The following CDH18 variants were observed in gnomAD, a reference collection of about 807,000 sequenced individuals.
The protein encoded by CDH18 is cadherin-18.
Under a neutral mutation model 67.9 loss-of-function variants are expected in CDH18, and 31 were observed. That is an observed-to-expected ratio of 0.46 (90% CI 0.34 to 0.62). The LOEUF (loss-of-function observed/expected upper bound fraction) is 0.62. Among genes scored for constraint, CDH18 ranks in the 20% least tolerant of loss-of-function variants. CDH18 has a pLI of 0.01. For synonymous variants in CDH18, 362 were observed against 347.2 expected (o/e 1.04, Z -0.48); for missense variants, 890 against 975.5 (o/e 0.91, Z 1.17).
Position 19,746,987 on chromosome 5 carries a change from T to A in CDH18, c.478A>T (p.Thr160Ser), listed in dbSNP as rs1030526975. The A allele has an allele frequency of 3.1e-6, 5 of 1,614,038 alleles. No homozygotes were observed. The highest frequency in any genetic ancestry group is 1.3e-5 in the African/African-American group (1 of 74,930). ...ACAGTAACAATGTATGGTCCATCTG[T>A]GAATTTTGGAGCGTTGTCATTGATG... is the stretch of plus-strand genomic sequence containing the variant. The part of the protein sequence containing the change: ...QDINDNAPKF[T>S]DGPYIVTVPE... Residue 160 changes from threonine (T) to serine (S), a missense_variant, in exon 4 of 13, where the codon ACA (threonine) becomes TCA (serine). Around this residue, in one of 2 missense-constraint regions of CDH18, gnomAD observed 234 missense variants for 307.4 expected, o/e 0.76. Transcript: ENST00000382275.
At chr5:20,215,443 A>G (rs919848430) in intron 2 of CDH18, among the ~76,000 whole-genome samples, 1 of 92,720 alleles carries the variant, frequency 1.1e-5, no homozygotes, top group Non-Finnish European at 2.1e-5. Context: ...AAAATAAATA[A>G]ATAAATAAAT....
At chr5:20,238,965 T>A (rs1400605641) in intron 2 of CDH18, among the ~76,000 whole-genome samples, 2 of 152,166 alleles carry the variant, frequency 1.3e-5, no homozygotes, top group East Asian at 1.9e-4. Context: ...TCTTGATAGA[T>A]ACATGCTAAG....
At chr5:20,471,129 T>C (rs1739003048) in intron 1 of CDH18, among the ~76,000 whole-genome samples, 1 of 152,156 alleles carries the variant, frequency 6.6e-6, no homozygotes, top group Admixed American at 6.5e-5. Context: ...GAATCTATTT[T>C]TGTAAGGTTG....
At position 19,491,966 on chromosome 5, in the gene CDH18, T is replaced by G. The variant is rs539023885; in HGVS notation, c.1631-8414A>C. Reference sequence around the variant, plus strand: ...TAATGTGTTATGTTGACTCATTTATTTTTAAAGAATTCAAGTATCTATGAG... The same window carrying G: ...TAATGTGTTATGTTGACTCATTTATGTTTAAAGAATTCAAGTATCTATGAG... On this transcript the variant is annotated intron_variant, in intron 11 of 12. Transcript: ENST00000382275. Among the ~76,000 whole-genome samples the G allele has an allele frequency of 2.2e-4, 34 of 152,244 alleles. 2 individuals are homozygous for G. In the South Asian group the frequency reaches 5.6e-3, roughly 25 times the overall value.
At chr5:20,058,853 T>G (rs919579762) in intron 2 of CDH18, among the ~76,000 whole-genome samples, 2 of 152,194 alleles carry the variant, frequency 1.3e-5, no homozygotes, top group Non-Finnish European at 1.5e-5. Flanking sequence ...ACAGTTGCAG[T>G]TCTAATTACT....
chr5:20,137,659 G>C lies in CDH18; in HGVS notation c.-518+117785C>G, dbSNP rs1018871191. 7.9e-5 allele frequency among the ~76,000 whole-genome samples: 12 copies of C among 152,190 alleles called. 1 individual carries two copies. In the East Asian group the frequency reaches 2.3e-3, roughly 29 times the overall value. On this transcript the variant is annotated intron_variant, in intron 2 of 14. Coordinates refer to the CDH18 transcript ENST00000507958. ...GGAGCTGCATTCCTCTGGAGGAGAAGAGGCACTCTGATTTTTGGAATTTTC... is the reference window on the plus strand; with the variant it reads ...GGAGCTGCATTCCTCTGGAGGAGAACAGGCACTCTGATTTTTGGAATTTTC...
rs559734784 is a variant in CDH18 at position 19,480,559 on chromosome 5, A to G, written c.1882+2742T>C. On this transcript the variant is annotated intron_variant, in intron 12 of 12. Transcript: ENST00000382275. ...AGCCCGACTAATTTTTTGTGTTTTT[A>G]GTAGAGACAGGGTTTCACCGTGTTA... Among the ~76,000 whole-genome samples the G allele has an allele frequency of 1.1e-4, 16 of 151,704 alleles. No individual in the cohort carries two copies. The East Asian group carries it at 2.9e-3, about 28-fold the overall frequency.
At chr5:20,393,029 C>A (rs1261588708) in intron 1 of CDH18, among the ~76,000 whole-genome samples, 5 of 151,734 alleles carry the variant, frequency 3.3e-5, no homozygotes, top group Non-Finnish European at 7.4e-5. Flanking sequence ...GATATTCATA[C>A]AATAAGGACT....
intron 2 of CDH18, among the ~76,000 whole-genome samples, chr5:20,059,878 G>A (rs187457426): frequency 1.0e-4 from 15 of 148,346 alleles, no homozygotes; most frequent in East Asian, 8.1e-4. Context: ...CATAGGAACA[G>A]AAAACCAAAC....
At chr5:19,591,277 T>C (rs373925220) in intron 6 of CDH18, 33 bp from the exon 7 acceptor site, 1 of 1,391,742 alleles carries the variant, frequency 7.2e-7, no homozygotes, top group African/African-American at 1.4e-5. Flanking sequence ...CATATTTAAA[T>C]ACAATGTTCA....
chr5:20,243,259 G>A (rs2126560262), intron 2 of CDH18, among the ~76,000 whole-genome samples: 1 of 152,218 alleles, frequency 6.6e-6, no homozygotes, highest in East Asian at 1.9e-4. Flanking sequence ...CACATTTAAT[G>A]TGTTATAACT....
rs1214340106 is a variant in CDH18 at position 19,612,593 on chromosome 5, T to C, written c.652A>G (p.Arg218Gly). The change falls in exon 6 of 13, where the codon AGA becomes GGA. Residue 218 changes from arginine (R) to glycine (G), a missense_variant. Arg to Gly is a moderately radical substitution (Grantham distance 125). Transcript: ENST00000382275. ...CTGTCCATGTTATGTAAGGCCGTTC[T>C]AATAACTCCTGTAATAGATATATTT... ...FSVDPKTGVI[R>G]TALHNMDREA... is the part of the protein sequence containing the mutation. 1.2e-6 allele frequency: 2 copies of C among 1,610,288 alleles called. No individual in the cohort carries two copies. Among genetic ancestry groups the C allele is most frequent in the South Asian group, 2.2e-5 (2 of 91,014 alleles).
At position 20,526,617 on chromosome 5, in the gene CDH18, G is replaced by T. The variant is rs146450777; in HGVS notation, c.-580+48845C>A. 9.7e-4 allele frequency among the ~76,000 whole-genome samples: 147 copies of T among 152,162 alleles called. 1 individual carries two copies. Among genetic ancestry groups the T allele is most frequent in the South Asian group, 6.2e-3 (30 of 4,820 alleles). ...CACTGGTGATACCCAGGTAAACAGG[G>T]TCTGGAGTGGGCCCCCAGCAAACTG... is the stretch of plus-strand genomic sequence containing the variant. On this transcript the variant is annotated intron_variant, in intron 1 of 14. Transcript: ENST00000507958.
intron 2 of CDH18, among the ~76,000 whole-genome samples, chr5:20,221,841 C>G (rs924734758): frequency 6.6e-6 from 1 of 152,128 alleles, no homozygotes; most frequent in Admixed American, 6.6e-5. Context: ...ATAACCTTTT[C>G]CAGGACCTTT....
chr5:19,495,612 T>A (rs1220896592), intron 11 of CDH18, among the ~76,000 whole-genome samples: 1 of 149,030 alleles, frequency 6.7e-6, no homozygotes, highest in Non-Finnish European at 1.5e-5. Flanking sequence ...TGGTGGCACA[T>A]GCCTGTAATC....
intron 2 of CDH18, among the ~76,000 whole-genome samples, chr5:20,094,460 C>T (rs1745707564): frequency 6.6e-6 from 1 of 151,996 alleles, no homozygotes; most frequent in South Asian, 2.1e-4. Context: ...TTTTTTGGTT[C>T]CATATGAAAT....
intron 8 of CDH18, among the ~76,000 whole-genome samples, chr5:19,548,965 G>T (rs1736843339): frequency 6.6e-6 from 1 of 152,082 alleles, no homozygotes; most frequent in South Asian, 2.1e-4. Context: ...GGCCAGGCTG[G>T]TCTCTAACTC....
intron 4 of CDH18, among the ~76,000 whole-genome samples, chr5:19,743,401 A>G (rs891218085): frequency 3.9e-5 from 6 of 152,100 alleles, no homozygotes; most frequent in Admixed American, 6.5e-5. Context: ...TTTTTTTAAT[A>G]AAAGATAACA....
In CDH18 at chr5:19,626,597, G is replaced by A. The variant is rs140319780; in HGVS notation, c.644-13996C>T. Reference sequence around the variant, plus strand: ...CTATAAACAGTTATTAATTCCTTCAGTTGGTAGCTATAGAGTGCCCTCTTG... The same window carrying A: ...CTATAAACAGTTATTAATTCCTTCAATTGGTAGCTATAGAGTGCCCTCTTG... On this transcript the variant is annotated intron_variant, in intron 5 of 12. Transcript: ENST00000382275. 7.4e-3 allele frequency among the ~76,000 whole-genome samples: 1,118 copies of A among 152,070 alleles called. 15 individuals carry two copies. Among genetic ancestry groups the A allele is most frequent in the African/African-American group, 0.025 (1,055 of 41,472 alleles).
Sources: allele counts gnomAD v4.1 joint callset (sites outside exome capture counted in the v4.1 genomes callset), GRCh38; gene constraint gnomAD v4.1.1; regional missense constraint gnomAD v4.1.1; transcripts MANE v1.5; gene names NCBI Gene and HGNC (gene_info 2026-07-23, HGNC 2026-07-21).